The following ZNF541 variants were observed in gnomAD, a reference collection of about 807,000 sequenced individuals.
The protein encoded by ZNF541 is zinc finger protein 541.
In ZNF541, 23 loss-of-function variants were observed where a neutral mutation model predicts 123.5. The ratio of observed to expected loss-of-function variants is 0.19; its 90% confidence interval spans 0.13 to 0.26. The LOEUF (loss-of-function observed/expected upper bound fraction) is 0.26. Among genes scored for constraint, ZNF541 ranks in the 10% least tolerant of loss-of-function variants. The probability of loss-of-function intolerance (pLI) is 1.00; values close to 1 mark genes in which losing one functional copy is unlikely to be tolerated. For synonymous variants in ZNF541, 751 were observed against 754.5 expected (o/e 1.00, Z 0.08); for missense variants, 1,612 against 1,789.9 (o/e 0.90, Z 1.79).
At position 47,555,688 on chromosome 19, in the gene ZNF541, T is replaced by C. The variant is rs1356554742; in HGVS notation, c.169A>G (p.Ser57Gly). Residue 57 changes from serine to glycine, a missense_variant, in exon 3 of 17, where the codon AGC (serine) becomes GGC (glycine). Around this residue, in one of 5 missense-constraint regions of ZNF541, gnomAD observed 212 missense variants for 289.6 expected, o/e 0.73. Transcript: ENST00000391901. ...AGLSGLDPDP[S>G]LPTPDMSSEV... ...CTGGACATGTCAGGCGTTGGGAGGC[T>C]GGGGTCCGGGTCCAGACCACTCAGG... 6 of 1,551,658 alleles carry C rather than the reference T, an allele frequency of 3.9e-6. No individual in the cohort carries two copies. The highest frequency in any genetic ancestry group is 5.2e-6 in the Non-Finnish European group (6 of 1,147,022).
chr19:47,541,247 A>T (rs1285672979), intron 5 of ZNF541, among the ~76,000 whole-genome samples: 1 of 152,040 alleles, frequency 6.6e-6, no homozygotes, highest in Non-Finnish European at 1.5e-5. Context: ...GCAAAACCCC[A>T]TCTCTACAAA....
intron 2 of ZNF541, among the ~76,000 whole-genome samples, chr19:47,557,518 C>T (rs1599727746): frequency 1.3e-5 from 2 of 152,096 alleles, no homozygotes; most frequent in East Asian, 3.9e-4. Context: ...AGTCAGCCAG[C>T]ACAGAGCTCA....
chr19:47,570,130 C>A (rs1971421470), intron 2 of ZNF541, among the ~76,000 whole-genome samples: 2 of 151,610 alleles, frequency 1.3e-5, no homozygotes, highest in African/African-American at 4.8e-5. Context: ...AAAAATTAGC[C>A]AGGAGTGGTA....
At chr19:47,527,625 G>A (rs942380474) in intron 14 of ZNF541, among the ~76,000 whole-genome samples, 2 of 151,808 alleles carry the variant, frequency 1.3e-5, no homozygotes, top group African/African-American at 4.8e-5. Flanking sequence ...TGAACTCCTA[G>A]CCTCAAGCAA....
intron 14 of ZNF541, among the ~76,000 whole-genome samples, chr19:47,527,277 A>G (rs1403189424): frequency 6.6e-6 from 1 of 152,220 alleles, no homozygotes; most frequent in East Asian, 1.9e-4. Context: ...TATAGTATCA[A>G]TATGTCAAAA....
intron 2 of ZNF541, among the ~76,000 whole-genome samples, chr19:47,557,779 T>C (rs1209769009): frequency 6.6e-6 from 1 of 151,640 alleles, no homozygotes; most frequent in Non-Finnish European, 1.5e-5. Context: ...CTTATAGACT[T>C]TTACACACAA....
At chr19:47,537,275 T>C (rs896835642) in intron 9 of ZNF541, among the ~76,000 whole-genome samples, 10 of 152,134 alleles carry the variant, frequency 6.6e-5, no homozygotes, top group African/African-American at 1.9e-4. Flanking sequence ...GAAAATTACA[T>C]AGGCCAGGCC....
intron 2 of ZNF541, among the ~76,000 whole-genome samples, chr19:47,571,405 T>C (rs1021000409): frequency 8.5e-5 from 13 of 152,228 alleles, no homozygotes; most frequent in Non-Finnish European, 1.6e-4. Context: ...CAGCCTACGC[T>C]GTCTTATTTA....
chr19:47,529,134 T>C, intron 13 of ZNF541, 96 bp from the exon 14 acceptor site: 1 of 882,424 alleles, frequency 1.1e-6, no homozygotes, highest in Non-Finnish European at 1.8e-6. Context: ...TAGCTGCCAT[T>C]ACTGAGTACC....
chr19:47,521,873 A>G lies in ZNF541; in HGVS notation c.3692T>C (p.Val1231Ala), dbSNP rs1599931582. The G allele has an allele frequency of 6.4e-7, 1 of 1,551,516 alleles. No individual in the cohort carries two copies. The highest frequency in any genetic ancestry group is 8.7e-7 in the Non-Finnish European group (1 of 1,146,938). ...EKRVKREPEE[V>A]ERTEEKVPCS... ...CTCTACCTTTTCCTCTGTCCTTTCC[A>G]CTTCCTCCGGCTCTCTCTTGACCCT... Residue 1231 changes from valine (V) to alanine (A), a missense_variant, in exon 15 of 17, where the codon GTG becomes GCG. This residue lies in a region of ZNF541 where 285 missense variants were observed against 407.3 expected (regional missense o/e 0.70). Coordinates refer to ENST00000391901, the MANE Select transcript of ZNF541 (RefSeq NM_001277075.3). The surrounding 1 kb of genome is among the most constrained non-coding windows in gnomAD (Gnocchi z 4.2).
At chr19:47,548,493 C>T (rs989542249) in intron 4 of ZNF541, among the ~76,000 whole-genome samples, 1 of 151,734 alleles carries the variant, frequency 6.6e-6, no homozygotes, top group Admixed American at 6.6e-5. Context: ...GTTAATTCTC[C>T]ATTGCCATGT....
chr19:47,544,192 G>A lies in ZNF541; in HGVS notation c.2337C>T (p.Ser779=), dbSNP rs1318082404. The change falls in exon 5 of 17, where the codon TCC becomes TCT. Residue 779 remains serine (S), a synonymous_variant. Coordinates refer to ENST00000391901, the MANE Select transcript of ZNF541 (RefSeq NM_001277075.3). ...CTGCCGGGGGCCCGGCCGATGAGAAGGAGGCCATGGCTACCTGGCTCGGAG... is the reference window on the plus strand; with the variant it reads ...CTGCCGGGGGCCCGGCCGATGAGAAAGAGGCCATGGCTACCTGGCTCGGAG... ...AASPSQVAMA[S]FSSAGPPADP... is the part of the protein sequence containing the mutation. 2 of 1,551,488 alleles carry A rather than the reference G, an allele frequency of 1.3e-6. No individual in the cohort carries two copies. Among genetic ancestry groups the A allele is most frequent in the Middle Eastern group, 1.7e-4 (1 of 5,986 alleles).
intron 13 of ZNF541, 21 bp from the exon 14 acceptor site, chr19:47,529,059 C>A (rs1345158995): frequency 1.3e-6 from 2 of 1,535,766 alleles, no homozygotes; most frequent in African/African-American, 2.8e-5. Context: ...ACACAGCCAA[C>A]AGGGGGAAGG....
intron 5 of ZNF541, among the ~76,000 whole-genome samples, chr19:47,543,861 C>T (rs1970186859): frequency 6.6e-6 from 1 of 152,042 alleles, no homozygotes; most frequent in Non-Finnish European, 1.5e-5. Flanking sequence ...CTAGGCTGAT[C>T]TCGAACTCCT....
chr19:47,539,180 T>C (rs1393353352), intron 8 of ZNF541, among the ~76,000 whole-genome samples: 1 of 152,116 alleles, frequency 6.6e-6, no homozygotes, highest in Non-Finnish European at 1.5e-5. Flanking sequence ...GCCCAGGCTA[T>C]TGTGGTCACC....
intron 2 of ZNF541, among the ~76,000 whole-genome samples, chr19:47,559,963 C>T (rs1568518706): frequency 6.6e-6 from 1 of 152,082 alleles, no homozygotes; most frequent in Non-Finnish European, 1.5e-5. Context: ...TCGAAGGTAG[C>T]AGCCCATGTT....
Position 47,544,971 on chromosome 19 carries a change from C to G in ZNF541, c.1558G>C (p.Gly520Arg). 1 of 1,532,372 alleles carries G rather than the reference C, an allele frequency of 6.5e-7. No homozygotes were observed. 94.9% of individuals were successfully genotyped at this position (1,532,372 alleles called of 1,614,324 possible). The part of the protein sequence containing the change: ...SFLCQNPGEP[G>R]LQEAQKAGGL... ...CCTGCCTTCTGGGCCTCCTGGAGGC[C>G]GGGCTCCCCGGGGTTCTGGCACAGG... Residue 520 changes from glycine to arginine, a missense_variant, in exon 5 of 17, where the codon GGC becomes CGC. Around this residue, in one of 5 missense-constraint regions of ZNF541, gnomAD observed 1,080 missense variants for 1,013.8 expected, o/e 1.07. Coordinates refer to ENST00000391901, the MANE Select transcript of ZNF541 (RefSeq NM_001277075.3).
At chr19:47,557,663 G>A (rs1189901753) in intron 2 of ZNF541, among the ~76,000 whole-genome samples, 2 of 151,994 alleles carry the variant, frequency 1.3e-5, no homozygotes, top group African/African-American at 2.4e-5. Context: ...AAGACAGCAA[G>A]ACTGGCTTCT....
Position 47,521,725 on chromosome 19 carries a change from C to A in ZNF541, c.3712-71G>T, listed in dbSNP as rs1045346829. 3 of 1,525,868 alleles carry A rather than the reference C, an allele frequency of 2.0e-6. No homozygotes were observed. The African/African-American group carries it at 4.1e-5, about 21-fold the overall frequency. The allele number at this position is 1,525,868 out of a possible 1,614,324, so 94.5% of individuals were successfully genotyped here. ...TGTAAGAGAGACACAGAGCTGGGGG[C>A]ATACGTGTCTCCTGCAGGAAAACCC... On this transcript the variant is annotated intron_variant, in intron 15 of 16. Transcript: ENST00000391901. This position sits in a 1 kb window ranked among gnomAD's most constrained non-coding sequence, Gnocchi z 4.2.
Sources: gnomAD v4.1 joint callset for allele counts (sites outside exome capture counted in the v4.1 genomes callset) on GRCh38, gnomAD v4.1.1 for gene constraint, gnomAD v4.1.1 regional missense constraint, Gnocchi (gnomAD v3.1) non-coding constraint, MANE v1.5 for transcripts, NCBI Gene and HGNC (gene_info 2026-07-23, HGNC 2026-07-21) for gene names.